Variants in KCNIP4 observed in about 807,000 individuals in gnomAD.
KCNIP4 encodes potassium voltage-gated channel interacting protein 4.
A neutral mutation model predicts 34.0 loss-of-function variants in KCNIP4; 12 were observed. That is an observed-to-expected ratio of 0.35 (90% CI 0.23 to 0.57). KCNIP4 has a LOEUF of 0.57. KCNIP4 is among the 20% of genes least tolerant of loss of function. The pLI, the probability that KCNIP4 is intolerant of heterozygous loss-of-function variation, is 0.83. For missense variants in KCNIP4, 238 were observed against 311.7 expected, an observed-to-expected ratio of 0.76 and a Z score of 1.78; for synonymous variants, 124 against 102.2, an observed-to-expected ratio of 1.21 and a Z score of -1.29.
intron 1 of KCNIP4, among the ~76,000 whole-genome samples, chr4:21,477,152 A>T (rs1731050835): frequency 6.6e-6 from 1 of 152,156 alleles, no homozygotes; most frequent in Non-Finnish European, 1.5e-5. Flanking sequence ...AGAGTTCCAC[A>T]ATTTATGTTG....
chr4:21,925,387 T>C (rs1033188450), intron 1 of KCNIP4, among the ~76,000 whole-genome samples: 1 of 152,106 alleles, frequency 6.6e-6, no homozygotes, highest in Non-Finnish European at 1.5e-5. Context: ...TCCAGTTTCA[T>C]CCATGTCCCT....
At chr4:21,558,294 C>A (rs1021097004) in intron 1 of KCNIP4, among the ~76,000 whole-genome samples, 11 of 152,040 alleles carry the variant, frequency 7.2e-5, no homozygotes, top group African/African-American at 2.7e-4. Flanking sequence ...GAGTTCGAGA[C>A]CAGCCTGGCC....
intron 1 of KCNIP4, among the ~76,000 whole-genome samples, chr4:20,999,000 TA>T (rs1737814494): frequency 6.6e-6 from 1 of 152,094 alleles, no homozygotes; most frequent in Non-Finnish European, 1.5e-5. Context: ...TGCAGAAAAA[TA>T]AAGAGGCAGT....
At chr4:21,879,495 C>T (rs1020603900) in intron 1 of KCNIP4, among the ~76,000 whole-genome samples, 18 of 152,216 alleles carry the variant, frequency 1.2e-4, no homozygotes, top group Non-Finnish European at 5.9e-5. Context: ...TGGACTCCTG[C>T]ATTCAGGCTT....
At chr4:21,595,486 T>C (rs932853186) in intron 1 of KCNIP4, among the ~76,000 whole-genome samples, 5 of 152,144 alleles carry the variant, frequency 3.3e-5, no homozygotes, top group African/African-American at 1.2e-4. Context: ...GAATGATTTA[T>C]AATCCTTTGG....
intron 1 of KCNIP4, among the ~76,000 whole-genome samples, chr4:21,597,833 T>A (rs772922436): frequency 3.3e-5 from 5 of 151,948 alleles, no homozygotes; most frequent in Non-Finnish European, 7.4e-5. Flanking sequence ...TCCAGAGAAA[T>A]CAAATGAATT....
Position 21,756,219 on chromosome 4 carries a change from T to C in KCNIP4, c.61+192352A>G, listed in dbSNP as rs756796501. Among the ~76,000 whole-genome samples, 12 of 152,308 alleles carry C rather than the reference T, an allele frequency of 7.9e-5. No homozygotes were observed. In the South Asian group the frequency reaches 1.9e-3, roughly 24 times the overall value. On this transcript the variant is annotated intron_variant, in intron 1 of 8. Transcript: ENST00000382152. ...TCTTTAGATGGTTTTAGTCTTCGTA[T>C]GTTTGTTTACGTGCTGGTTTTAAAA...
intron 1 of KCNIP4, among the ~76,000 whole-genome samples, chr4:21,646,807 C>T (rs1365452538): frequency 2.0e-5 from 3 of 152,130 alleles, no homozygotes; most frequent in Non-Finnish European, 4.4e-5. Flanking sequence ...ATTCTACTAC[C>T]CATTGCATTA....
chr4:20,796,604 C>CTTT (rs34624781), intron 3 of KCNIP4, among the ~76,000 whole-genome samples: 2 of 140,678 alleles, frequency 1.4e-5, no homozygotes, highest in African/African-American at 2.6e-5. Context: ...ATTTTTATTG[C>CTTT]TTTTTTTTTT....
At chr4:21,399,904 A>G (rs1723327704) in intron 1 of KCNIP4, among the ~76,000 whole-genome samples, 1 of 152,124 alleles carries the variant, frequency 6.6e-6, no homozygotes, top group Admixed American at 6.5e-5. Context: ...GAGACCCATG[A>G]CAATAGCACA....
intron 1 of KCNIP4, among the ~76,000 whole-genome samples, chr4:21,405,926 C>T (rs1237572815): frequency 1.3e-5 from 2 of 152,224 alleles, no homozygotes; most frequent in African/African-American, 2.4e-5. Context: ...AACTCCGCCT[C>T]CCGGGTTCAA....
At chr4:21,167,485 T>A (rs1753713586) in intron 1 of KCNIP4, among the ~76,000 whole-genome samples, 1 of 152,194 alleles carries the variant, frequency 6.6e-6, no homozygotes, top group African/African-American at 2.4e-5. Flanking sequence ...TGCAGAGGCC[T>A]AGAGATAGTT....
In KCNIP4 at chr4:21,372,382, ATAGATAGATAGT is replaced by A. The variant is rs1372129746; in HGVS notation, c.62-489685_62-489674del. Among the ~76,000 whole-genome samples, 9 of 146,964 alleles carry A rather than the reference ATAGATAGATAGT, an allele frequency of 6.1e-5. No individual in the cohort carries two copies. The East Asian group carries it at 1.4e-3, about 23-fold the overall frequency. On this transcript the variant is annotated intron_variant, in intron 1 of 8. Coordinates refer to ENST00000382152, the MANE Select transcript of KCNIP4 (RefSeq NM_025221.6). Reference sequence around the variant, plus strand: ...GATAGATAGATAGATAGATAGATAGATAGATAGATAGTTAGATAGACAGACAGACAGATACAG... The same window carrying A: ...GATAGATAGATAGATAGATAGATAGATAGATAGACAGACAGACAGATACAG...
rs114299967 is a variant in KCNIP4 at position 21,612,458 on chromosome 4, A to C, written c.61+336113T>G. 3.3e-3 allele frequency among the ~76,000 whole-genome samples: 503 copies of C among 152,348 alleles called. 3 individuals are homozygous for C. Among genetic ancestry groups the C allele is most frequent in the African/African-American group, 0.012 (479 of 41,576 alleles). ...AAGAATCCATCTCAAAAGAAATTGCACTGACTGGGGCTGAACCCTCAAGTC... is the reference window on the plus strand; with the variant it reads ...AAGAATCCATCTCAAAAGAAATTGCCCTGACTGGGGCTGAACCCTCAAGTC... On this transcript the variant is annotated intron_variant, in intron 1 of 8. Coordinates refer to ENST00000382152, the MANE Select transcript of KCNIP4 (RefSeq NM_025221.6).
intron 1 of KCNIP4, among the ~76,000 whole-genome samples, chr4:21,072,749 G>T (rs965249762): frequency 1.3e-5 from 2 of 151,842 alleles, no homozygotes; most frequent in African/African-American, 4.9e-5. Flanking sequence ...GTATTGCCTA[G>T]GTTTTCTCCT....
intron 1 of KCNIP4, among the ~76,000 whole-genome samples, chr4:20,987,388 G>C (rs769119454): frequency 5.5e-5 from 8 of 146,120 alleles, no homozygotes; most frequent in Non-Finnish European, 1.0e-4. Flanking sequence ...GAGTCCTCCA[G>C]CAGAGGTCTG....
intron 1 of KCNIP4, among the ~76,000 whole-genome samples, chr4:21,783,032 G>C (rs927214520): frequency 2.6e-5 from 4 of 152,154 alleles, no homozygotes; most frequent in Admixed American, 2.6e-4. Flanking sequence ...TGGAGGTAAT[G>C]ATAAATGGGT....
At chr4:21,072,637 T>C (rs1448078282) in intron 1 of KCNIP4, among the ~76,000 whole-genome samples, 8 of 152,070 alleles carry the variant, frequency 5.3e-5, no homozygotes, top group East Asian at 3.9e-4. Flanking sequence ...TGTGCAGAAG[T>C]TCTTTAGTTT....
At chr4:21,750,480 A>G (rs1464172897) in intron 1 of KCNIP4, among the ~76,000 whole-genome samples, 1 of 152,070 alleles carries the variant, frequency 6.6e-6, no homozygotes, top group Non-Finnish European at 1.5e-5. Context: ...GTCTGATGCT[A>G]GGTTGGGAAT....
Sources: gnomAD v4.1 joint callset for allele counts (sites outside exome capture counted in the v4.1 genomes callset) on GRCh38, gnomAD v4.1.1 for gene constraint, MANE v1.5 for transcripts, NCBI Gene and HGNC (gene_info 2026-07-23, HGNC 2026-07-21) for gene names.